Variants in DDX3X observed in about 807,000 individuals in gnomAD.
DDX3X encodes the protein ATP-dependent RNA helicase DDX3X.
Under a neutral mutation model 52.7 loss-of-function variants are expected in DDX3X, and 4 were observed. The ratio of observed to expected loss-of-function variants is 0.08; its 90% CI spans 0.04 to 0.17. DDX3X has a LOEUF of 0.17. Among genes scored for constraint, DDX3X ranks in the 10% least tolerant of loss-of-function variants. The probability of loss-of-function intolerance (pLI) is 1.00; values close to 1 mark genes in which losing one functional copy is unlikely to be tolerated. For missense variants in DDX3X, 222 were observed against 548.6 expected, an observed-to-expected ratio of 0.40 and a Z score of 5.95; for synonymous variants, 192 against 178.1, an observed-to-expected ratio of 1.08 and a Z score of -0.62.
At chrX:41,355,645 C>CTTTTT (rs36111286) in intron 5 of DDX3X, among the ~76,000 whole-genome samples, 1 of 85,813 alleles carries the variant, frequency 1.2e-5, no homozygotes, top group Non-Finnish European at 2.2e-5. Context: ...TTTTCTTTTT[C>CTTTTT]TTTTTTTTTT....
At chrX:41,334,493 C>CTT in intron 1 of DDX3X, 196 bp downstream of exon 1, 1 of 1,096,102 alleles carries the variant, frequency 9.1e-7, no homozygotes, top group East Asian at 3.3e-5. Context: ...GGTCTCGGCC[C>CTT]GCTGTATTGT....
intron 2 of DDX3X, 177 bp downstream of exon 2, chrX:41,337,642 C>CTTTTTTTTTTT (rs5902274): frequency 8.8e-6 from 2 of 227,312 alleles, no homozygotes; most frequent in Non-Finnish European, 7.4e-6. Flanking sequence ...GCATCGTTGC[C>CTTTTTTTTTTT]TTTTTTTTTT....
rs1209653125 is a variant in DDX3X at position 41,348,034 on chromosome X, T to A, written c.*315T>A. The A allele has an allele frequency of 3.3e-6, 1 of 306,330 alleles. No homozygotes were observed. Among genetic ancestry groups the A allele is most frequent in the Non-Finnish European group, 5.6e-6 (1 of 177,504 alleles). The allele number at this position is 306,330 out of a possible 1,213,427, so 25.2% of individuals were successfully genotyped here. The stretch of plus-strand genomic sequence containing the variant: ...ATTTGTTTGTTAATGTACTGTGCCT[T>A]TAACTTTAGACAACTTTTTATTTTG... On this transcript the variant is annotated 3_prime_UTR_variant, in exon 17 of 17. Transcript: ENST00000644876.
At position 41,349,914 on chromosome X, in the gene DDX3X, T is replaced by C. The variant is rs1172895256; in HGVS notation, c.*2195T>C. The C allele has an allele frequency of 9.1e-6, 1 of 110,312 alleles. No homozygotes were observed. The highest frequency in any genetic ancestry group is 1.9e-5 in the Non-Finnish European group (1 of 52,635). The allele number at this position is 110,312 out of a possible 1,213,427, so 9.1% of individuals were successfully genotyped here. On this transcript the variant is annotated 3_prime_UTR_variant, in exon 17 of 17. Transcript: ENST00000644876. ...TTTAGTTGTGTGTTTTTTTTTTTTTTTCAGTGAATGTCTGGCACATTGCAA... is the reference window on the plus strand; with the variant it reads ...TTTAGTTGTGTGTTTTTTTTTTTTTCTCAGTGAATGTCTGGCACATTGCAA...
intron 10 of DDX3X, 136 bp from the exon 11 acceptor site, chrX:41,345,044 G>A (rs1602133800): frequency 3.4e-6 from 2 of 594,861 alleles, no homozygotes; most frequent in Non-Finnish European, 5.2e-6. Context: ...TGCAGTGTGA[G>A]GCACCATCTT....
rs1042124013 is a variant in DDX3X, at chrX:41,350,085, T to C, written c.*2366T>C. ...CATGTAAGGATTTAAACTTGCTGAA[T>C]GTAAAGATTGAACCTCAAGTCACTG... On this transcript the variant is annotated 3_prime_UTR_variant, in exon 17 of 17. Coordinates refer to ENST00000644876, the MANE Select transcript of DDX3X (RefSeq NM_001356.5). 8.9e-6 allele frequency: 1 copy of C among 112,350 alleles called. No individual in the cohort carries two copies. The highest frequency in any genetic ancestry group is 3.2e-5 in the African/African-American group (1 of 30,881). The allele number at this position is 112,350 out of a possible 1,213,427, so 9.3% of individuals were successfully genotyped here.
upstream of DDX3X, chrX:41,333,992 AG>A (rs2063715616): frequency 2.8e-6 from 1 of 355,350 alleles, no homozygotes; most frequent in Admixed American, 4.8e-5. Context: ...TAGGGGCGAC[AG>A]GACTAAGTAG....
At position 41,356,926 on chromosome X, in the gene DDX3X, ATTC is replaced by A. The variant is rs1250738734; in HGVS notation, c.655-7345_655-7343del. Among the ~76,000 whole-genome samples the A allele has an allele frequency of 2.6e-3, 224 of 86,389 alleles. 2 individuals carry two copies. Among genetic ancestry groups the A allele is most frequent in the African/African-American group, 9.3e-3 (213 of 22,799 alleles). The allele number at this position is 86,389 out of a possible 115,157, so 75.0% of individuals were successfully genotyped here. On this transcript the variant is annotated intron_variant, in intron 5 of 5. Coordinates refer to the DDX3X transcript ENST00000616050. ...ACCATTCCTGCAGAATATCACACTA[ATTC>A]TTTTTTTTTTTTTTTTTTTTTTGAG...
At chrX:41,361,218 A>G (rs1363475088) in intron 5 of DDX3X, among the ~76,000 whole-genome samples, 2 of 108,852 alleles carry the variant, frequency 1.8e-5, no homozygotes, top group Admixed American at 1.0e-4. Flanking sequence ...AGTGGCTCCT[A>G]TAAGTCACAG....
chrX:41,334,741 C>T (rs1283858206), intron 1 of DDX3X: 1 of 976,517 alleles, frequency 1.0e-6, no homozygotes, highest in East Asian at 7.0e-5. Flanking sequence ...CCTGGCGGCA[C>T]CCGGTGTTTG....
At chrX:41,341,414 T>C in intron 3 of DDX3X, 70 bp from the exon 4 acceptor site, 1 of 935,435 alleles carries the variant, frequency 1.1e-6, no homozygotes, top group Non-Finnish European at 1.5e-6. Context: ...TTCAGAAAGA[T>C]TGATAATACC....
rs756130036 is a variant in DDX3X, at chrX:41,343,804, G to A, written c.747G>A (p.Glu249=). 4.1e-6 allele frequency: 5 copies of A among 1,206,865 alleles called. No homozygotes were observed. In the South Asian group the frequency reaches 8.9e-5, roughly 21 times the overall value. The change falls in exon 8 of 17, where the codon GAG becomes GAA. Residue 249 remains glutamate, a synonymous_variant. Coordinates refer to ENST00000644876, the MANE Select transcript of DDX3X (RefSeq NM_001356.5). ...AGATTTATTCAGATGGTCCAGGCGA[G>A]GCTTTGAGGGCCATGAAGGTAGATG... is the stretch of plus-strand genomic sequence containing the variant. The part of the protein sequence containing the change: ...LSQIYSDGPG[E]ALRAMKENGR...
intron 12 of DDX3X, 70 bp downstream of exon 12, chrX:41,345,618 G>T: frequency 1.1e-6 from 1 of 925,931 alleles, no homozygotes; most frequent in Non-Finnish European, 1.5e-6. Context: ...GGAGTGCAGG[G>T]GTTATTCACA....
At chrX:41,337,171 A>G (rs1370832970) in intron 1 of DDX3X, among the ~76,000 whole-genome samples, 3 of 112,372 alleles carry the variant, frequency 2.7e-5, no homozygotes, top group African/African-American at 6.5e-5. Flanking sequence ...GAACAGCACA[A>G]GCATCTTGGT....
intron 1 of DDX3X, chrX:41,336,156 C>T (rs2063766112): frequency 8.9e-6 from 1 of 112,282 alleles, no homozygotes; most frequent in Non-Finnish European, 1.9e-5. Context: ...GATTTATAAA[C>T]ATGGTATGTA....
chrX:41,364,172 G>T, intron 5 of DDX3X: 1 of 291,936 alleles, frequency 3.4e-6, no homozygotes, highest in South Asian at 2.2e-4. Context: ...ATGTAGTAAT[G>T]GGAGTAGGTG....
At chrX:41,334,127 G>A, upstream of DDX3X, 1 of 632,741 alleles carries the variant, frequency 1.6e-6, no homozygotes, top group East Asian at 3.6e-5. Flanking sequence ...GCTTTCCAGC[G>A]GGTATATTAG....
rs759442213 is a variant in DDX3X, at chrX:41,343,778, C to A, written c.721C>A (p.Gln241Lys). ...AGCATTTCTGTTGCCCATCTTGAGT[C>A]AGATTTATTCAGATGGTCCAGGCGA... ...TAAFLLPILS[Q>K]IYSDGPGEAL... Residue 241 changes from glutamine to lysine, a missense_variant, in exon 8 of 17, where the codon CAG (glutamine) becomes AAG (lysine). Coordinates refer to ENST00000644876, the MANE Select transcript of DDX3X (RefSeq NM_001356.5). The A allele has an allele frequency of 2.2e-5, 26 of 1,208,034 alleles. No individual in the cohort carries two copies. Among genetic ancestry groups the A allele is most frequent in the Non-Finnish European group, 3.4e-6 (3 of 893,959 alleles).
At chrX:41,345,802 T>C in intron 12 of DDX3X, 1 of 312,065 alleles carries the variant, frequency 3.2e-6, no homozygotes, top group East Asian at 5.4e-5. Context: ...AGCCCAGAAC[T>C]CCTAGACTTA....
Sources: allele counts gnomAD v4.1 joint callset (sites outside exome capture counted in the v4.1 genomes callset), GRCh38; gene constraint gnomAD v4.1.1; transcripts MANE v1.5; gene names NCBI Gene and HGNC (gene_info 2026-07-23, HGNC 2026-07-21).